The following PABPC4L variants were observed in gnomAD, a reference collection of about 807,000 sequenced individuals.
PABPC4L encodes poly(A) binding protein cytoplasmic 4 like.
For synonymous variants in PABPC4L, 169 were observed against 164.1 expected (o/e 1.03, Z -0.23); for missense variants, 452 against 451.4 (o/e 1.00, Z -0.01).
the PABPC4L span, among the ~76,000 whole-genome samples, chr4:134,137,881 T>C: frequency 1.6e-3 from 240 of 151,898 alleles, 1 homozygote; most frequent in Middle Eastern, 0.037. Context: ...TAAAATATTA[T>C]AAAATATATG....
At chr4:133,976,989 A>T in the PABPC4L span, among the ~76,000 whole-genome samples, 1 of 152,148 alleles carries the variant, frequency 6.6e-6, no homozygotes, top group African/African-American at 2.4e-5. Flanking sequence ...ATCTTTGCCC[A>T]TGTCTATGTC....
chr4:134,070,211 C>T, the PABPC4L span, among the ~76,000 whole-genome samples: 6 of 152,030 alleles, frequency 3.9e-5, no homozygotes, highest in South Asian at 2.1e-4. Flanking sequence ...TAGGTGCTCC[C>T]GTACCACTGA....
the PABPC4L span, among the ~76,000 whole-genome samples, chr4:134,010,397 T>A: frequency 1.3e-5 from 2 of 152,142 alleles, no homozygotes; most frequent in African/African-American, 4.8e-5. Flanking sequence ...GGCATTTTTA[T>A]TTTGAACATT....
the PABPC4L span, among the ~76,000 whole-genome samples, chr4:133,992,949 G>T: frequency 6.6e-6 from 1 of 151,922 alleles, no homozygotes; most frequent in Admixed American, 6.6e-5. Flanking sequence ...TACCAGGTTG[G>T]GTCCTAGCCA....
the PABPC4L span, among the ~76,000 whole-genome samples, chr4:134,116,775 G>T: frequency 6.6e-6 from 1 of 151,464 alleles, no homozygotes; most frequent in Non-Finnish European, 1.5e-5. Context: ...TATGTTTAAA[G>T]CACCCAACCA....
At chr4:133,969,171 C>T in the PABPC4L span, among the ~76,000 whole-genome samples, 18 of 152,300 alleles carry the variant, frequency 1.2e-4, no homozygotes, top group Non-Finnish European at 2.2e-4. Context: ...ACTCTATATA[C>T]ACTTGATACA....
rs1729845412 is a variant in PABPC4L at position 134,200,870 on chromosome 4, A to C, written c.150T>G (p.Ser50=). The change falls in exon 2 of 2, where the codon TCT becomes TCG. Residue 50 remains serine, a synonymous_variant. Coordinates refer to ENST00000421491, the MANE Select transcript of PABPC4L (RefSeq NM_001114734.2). ...RICRDQVTRR[S]LGYAYVNFLQ... ...AGAAGTTCACGTAGGCATAGCCCAG[A>C]GAGCGGCGGGTGACCTGGTCCCTGC... 1 of 1,573,182 alleles carries C rather than the reference A, an allele frequency of 6.4e-7. No individual in the cohort carries two copies. The highest frequency in any genetic ancestry group is 8.6e-7 in the Non-Finnish European group (1 of 1,158,304).
chr4:134,001,789 C>T, the PABPC4L span, among the ~76,000 whole-genome samples: 1 of 151,984 alleles, frequency 6.6e-6, no homozygotes, highest in African/African-American at 2.4e-5. Context: ...AGTAAAAAGA[C>T]ATCAAAACAA....
the PABPC4L span, among the ~76,000 whole-genome samples, chr4:134,118,640 T>C: frequency 6.5e-3 from 987 of 151,958 alleles, 10 homozygotes; most frequent in African/African-American, 0.022. Context: ...TTATTGCTGA[T>C]ATTTTATATT....
At chr4:133,958,111 T>G in the PABPC4L span, among the ~76,000 whole-genome samples, 1 of 152,216 alleles carries the variant, frequency 6.6e-6, no homozygotes, top group African/African-American at 2.4e-5. Flanking sequence ...AAGTTTTCCT[T>G]TTCTATTGCA....
chr4:134,004,380 A>G, the PABPC4L span, among the ~76,000 whole-genome samples: 22 of 152,100 alleles, frequency 1.4e-4, no homozygotes, highest in African/African-American at 5.3e-4. Flanking sequence ...GCCAACAGGT[A>G]TATGAAGAGG....
chr4:134,193,781 T>G (rs1729579449), downstream of PABPC4L, among the ~76,000 whole-genome samples: 1 of 151,726 alleles, frequency 6.6e-6, no homozygotes, highest in South Asian at 2.1e-4. Flanking sequence ...AAAAGAAACA[T>G]TAGAACATTA....
At chr4:133,997,852 A>G in the PABPC4L span, among the ~76,000 whole-genome samples, 1 of 152,284 alleles carries the variant, frequency 6.6e-6, no homozygotes, top group African/African-American at 2.4e-5. Context: ...TGAGCTATGT[A>G]ATTAAGCTGA....
the PABPC4L span, among the ~76,000 whole-genome samples, chr4:134,125,000 G>A: frequency 1.3e-5 from 2 of 152,046 alleles, no homozygotes; most frequent in Non-Finnish European, 2.9e-5. Context: ...GACCACACCG[G>A]TAATCTGATC....
At chr4:134,132,841 A>C in the PABPC4L span, among the ~76,000 whole-genome samples, 2 of 148,564 alleles carry the variant, frequency 1.3e-5, no homozygotes, top group Admixed American at 6.8e-5. Context: ...TGGTTAAAGA[A>C]AATGGTATAT....
the PABPC4L span, among the ~76,000 whole-genome samples, chr4:134,119,738 A>G: frequency 6.6e-6 from 1 of 151,628 alleles, no homozygotes; most frequent in African/African-American, 2.4e-5. Flanking sequence ...TGTTCTCCAA[A>G]ATATATTCTC....
the PABPC4L span, among the ~76,000 whole-genome samples, chr4:134,150,818 C>T: frequency 6.6e-6 from 1 of 152,114 alleles, no homozygotes; most frequent in Non-Finnish European, 1.5e-5. Context: ...AGATACATAA[C>T]AAGTTCACTA....
chr4:134,147,553 T>C, the PABPC4L span, among the ~76,000 whole-genome samples: 1 of 152,254 alleles, frequency 6.6e-6, no homozygotes, highest in African/African-American at 2.4e-5. Flanking sequence ...AATTTACTTA[T>C]AAACCACACA....
At chr4:134,188,673 A>T in the PABPC4L span, among the ~76,000 whole-genome samples, 2 of 151,918 alleles carry the variant, frequency 1.3e-5, no homozygotes, top group Non-Finnish European at 2.9e-5. Flanking sequence ...GTTACTAAGA[A>T]CTCAGTTACT....
Sources: allele counts gnomAD v4.1 joint callset (sites outside exome capture counted in the v4.1 genomes callset), GRCh38; gene constraint gnomAD v4.1.1; transcripts MANE v1.5; gene names NCBI Gene and HGNC (gene_info 2026-07-23, HGNC 2026-07-21).